KRAS: variants seen among roughly 807,000 people sequenced by gnomAD.
KRAS encodes GTPase KRas.
A neutral mutation model predicts 21.0 loss-of-function variants in KRAS; 1 was observed. The observed-to-expected ratio is 0.05, with a 90% CI of 0.02 to 0.23. The LOEUF is 0.23. KRAS is among the 10% of genes least tolerant of loss of function. KRAS has a pLI of 1.00. For synonymous variants in KRAS, 67 were observed against 72.5 expected (o/e 0.92, Z 0.39); for missense variants, 107 against 221.8 (o/e 0.48, Z 3.29).
At chr12:25,232,569 CG>C (rs2141519692) in intron 2 of KRAS, among the ~76,000 whole-genome samples, 1 of 152,200 alleles carries the variant, frequency 6.6e-6, no homozygotes, top group African/African-American at 2.4e-5. Context: ...GAAGGTGTTA[CG>C]TTTTTAATTA....
intron 4 of KRAS, among the ~76,000 whole-genome samples, chr12:25,213,858 C>T (rs926350834): frequency 4.6e-5 from 7 of 152,116 alleles, no homozygotes; most frequent in African/African-American, 1.4e-4. Context: ...GAGTTTAATA[C>T]GGGTTTAGAA....
At chr12:25,236,940 C>T (rs1292009770) in intron 2 of KRAS, among the ~76,000 whole-genome samples, 1 of 152,000 alleles carries the variant, frequency 6.6e-6, no homozygotes, top group Non-Finnish European at 1.5e-5. Context: ...AAAACGTGTA[C>T]ATAAATGTTT....
rs954253051 is a variant in KRAS at position 25,205,554 on chromosome 12, A to G, written c.*4241T>C. The G allele has an allele frequency of 9.3e-6, 2 of 215,482 alleles. No homozygotes were observed. Among genetic ancestry groups the G allele is most frequent in the Non-Finnish European group, 1.9e-5 (2 of 106,568 alleles). 13.3% of individuals were successfully genotyped at this position (215,482 alleles called of 1,614,324 possible). On this transcript the variant is annotated 3_prime_UTR_variant, in exon 5 of 5. Coordinates refer to ENST00000311936, the MANE Select transcript of KRAS (RefSeq NM_004985.5). ...AAAATACATTCCAGGTAAACATGTT[A>G]CATTAAGAAATAGTACTAGTAAGAA...
At chr12:25,236,366 G>C (rs61761104) in intron 2 of KRAS, among the ~76,000 whole-genome samples, 168 of 152,206 alleles carry the variant, frequency 1.1e-3, no homozygotes, top group African/African-American at 3.9e-3. Context: ...TTCACCAGTA[G>C]CAGCCAAAGG....
At chr12:25,223,167 G>A (rs1017896942) in intron 4 of KRAS, among the ~76,000 whole-genome samples, 2 of 152,120 alleles carry the variant, frequency 1.3e-5, no homozygotes, top group Admixed American at 6.6e-5. Flanking sequence ...TTTGTGAAAT[G>A]TAAGCTAAAA....
intron 1 of KRAS, among the ~76,000 whole-genome samples, chr12:25,246,830 T>C (rs889802245): frequency 2.0e-5 from 3 of 150,408 alleles, no homozygotes; most frequent in Admixed American, 2.0e-4. Flanking sequence ...GGCAGAAGAA[T>C]GGCGTGAACC....
intron 2 of KRAS, among the ~76,000 whole-genome samples, chr12:25,244,275 T>G (rs1038913853): frequency 9.2e-5 from 14 of 152,192 alleles, no homozygotes; most frequent in African/African-American, 3.1e-4. Flanking sequence ...AGATGTAGAA[T>G]AAATGCTAAA....
intron 4 of KRAS, chr12:25,215,353 A>C: frequency 6.4e-7 from 1 of 1,567,370 alleles, no homozygotes; most frequent in South Asian, 1.1e-5. Flanking sequence ...ACTACACCTA[A>C]GTAGTTCTAA....
At chr12:25,211,290 G>C (rs891469698) in intron 4 of KRAS, 1 of 152,166 alleles carries the variant, frequency 6.6e-6, no homozygotes, top group Non-Finnish European at 1.5e-5. Context: ...AAAATGTTAA[G>C]TGGGCGGGGT....
chr12:25,214,129 G>A (rs1951228321), intron 4 of KRAS, among the ~76,000 whole-genome samples: 2 of 152,206 alleles, frequency 1.3e-5, no homozygotes, highest in African/African-American at 2.4e-5. Flanking sequence ...GGTTTTTAGA[G>A]AGTAGGAGAC....
chr12:25,234,512 T>C (rs1363903742), intron 2 of KRAS: 2 of 183,878 alleles, frequency 1.1e-5, no homozygotes, highest in African/African-American at 4.7e-5. Context: ...ATTTTTATTG[T>C]TTTCATACCA....
At chr12:25,232,342 AC>A (rs762016234) in intron 2 of KRAS, among the ~76,000 whole-genome samples, 29 of 152,230 alleles carry the variant, frequency 1.9e-4, no homozygotes, top group Non-Finnish European at 4.4e-5. Flanking sequence ...TGTGACAAAG[AC>A]CCATATGGCC....
At chr12:25,213,949 A>C (rs969524198) in intron 4 of KRAS, among the ~76,000 whole-genome samples, 2 of 152,218 alleles carry the variant, frequency 1.3e-5, no homozygotes, top group Admixed American at 1.3e-4. Flanking sequence ...ATGGGTGTGC[A>C]AAGATTAAAA....
At chr12:25,224,388 A>C (rs1951364705) in intron 4 of KRAS, among the ~76,000 whole-genome samples, 1 of 151,882 alleles carries the variant, frequency 6.6e-6, no homozygotes, top group Non-Finnish European at 1.5e-5. Context: ...GCCTAGGTTA[A>C]TGTGCATGCA....
chr12:25,215,200 A>C, intron 4 of KRAS: 1 of 685,938 alleles, frequency 1.5e-6, no homozygotes, highest in South Asian at 6.8e-5. Flanking sequence ...GACTCATTAA[A>C]TCATTAGACT....
At chr12:25,247,766 T>C (rs1951703737) in intron 1 of KRAS, among the ~76,000 whole-genome samples, 2 of 152,324 alleles carry the variant, frequency 1.3e-5, no homozygotes, top group African/African-American at 4.8e-5. Context: ...TCATAATAGA[T>C]TGAATGCAGA....
At chr12:25,228,390 T>C (rs1951421586) in intron 2 of KRAS, among the ~76,000 whole-genome samples, 1 of 151,638 alleles carries the variant, frequency 6.6e-6, no homozygotes, top group South Asian at 2.1e-4. Context: ...AAAAAAAAAA[T>C]CTGAAATCCA....
At chr12:25,249,670 G>C (rs1592828005) in intron 1 of KRAS, among the ~76,000 whole-genome samples, 1 of 148,878 alleles carries the variant, frequency 6.7e-6, no homozygotes, top group South Asian at 2.1e-4. Flanking sequence ...CAATTCCTCT[G>C]TAAGTTTAAA....
intron 2 of KRAS, among the ~76,000 whole-genome samples, chr12:25,240,447 A>G (rs932643235): frequency 6.6e-6 from 1 of 152,232 alleles, no homozygotes; most frequent in African/African-American, 2.4e-5. Flanking sequence ...TGAATTTGCC[A>G]TGTACTGAGT....
Sources: gnomAD v4.1 joint callset for allele counts (sites outside exome capture counted in the v4.1 genomes callset) on GRCh38, gnomAD v4.1.1 for gene constraint, MANE v1.5 for transcripts, NCBI Gene and HGNC (gene_info 2026-07-23, HGNC 2026-07-21) for gene names.